The following SAR1A variants were observed in gnomAD, a reference collection of about 807,000 sequenced individuals.
SAR1A encodes the protein secretion associated Ras related GTPase 1A.
A neutral mutation model predicts 22.6 loss-of-function variants in SAR1A; 6 were observed. The ratio of observed to expected loss-of-function variants is 0.27; its 90% CI spans 0.15 to 0.52. The LOEUF (loss-of-function observed/expected upper bound fraction) is 0.52. SAR1A is among the 20% of genes least tolerant of loss of function. SAR1A has a pLI of 0.96. For synonymous variants in SAR1A, 70 were observed against 82.2 expected (o/e 0.85, Z 0.80); for missense variants, 145 against 245.1 (o/e 0.59, Z 2.73).
At position 70,152,060 on chromosome 10, in the gene SAR1A, G is replaced by A; in HGVS notation, c.*416C>T. 5.0e-6 allele frequency: 1 copy of A among 198,878 alleles called. No individual in the cohort carries two copies. Among genetic ancestry groups the A allele is most frequent in the Non-Finnish European group, 1.1e-5 (1 of 94,256 alleles). The allele number at this position is 198,878 out of a possible 1,614,324, so 12.3% of individuals were successfully genotyped here. Reference sequence around the variant, plus strand: ...ATTAGTTTAAAAAAAAAAAAGAATAGAAAACTCTGGACCAAGTAAATTGTG... The same window carrying A: ...ATTAGTTTAAAAAAAAAAAAGAATAAAAAACTCTGGACCAAGTAAATTGTG... On this transcript the variant is annotated 3_prime_UTR_variant, in exon 7 of 7. Transcript: ENST00000373241.
chr10:70,154,435 G>A (rs1839361957), intron 5 of SAR1A, among the ~76,000 whole-genome samples: 1 of 152,014 alleles, frequency 6.6e-6, no homozygotes, highest in Non-Finnish European at 1.5e-5. Context: ...ACTATCTCAG[G>A]CACTGAGGAT....
chr10:70,159,793 C>A (rs1839444174), intron 4 of SAR1A, among the ~76,000 whole-genome samples: 1 of 152,176 alleles, frequency 6.6e-6, no homozygotes, highest in Non-Finnish European at 1.5e-5. Flanking sequence ...ATGTTTTACT[C>A]CTATACCTAC....
At chr10:70,166,551 T>C (rs185801773) in intron 1 of SAR1A, among the ~76,000 whole-genome samples, 25 of 152,320 alleles carry the variant, frequency 1.6e-4, no homozygotes, top group African/African-American at 5.8e-4. Flanking sequence ...TATTTAATCA[T>C]TTTTGCAGAC....
rs778910201 is a variant in SAR1A at position 70,161,626 on chromosome 10, T to C, written c.171A>G (p.Leu57=). 10 of 1,612,278 alleles carry C rather than the reference T, an allele frequency of 6.2e-6. No individual in the cohort carries two copies. Among genetic ancestry groups the C allele is most frequent in the Non-Finnish European group, 8.5e-6 (10 of 1,179,996 alleles). Residue 57 remains leucine, a synonymous_variant, in exon 3 of 7, where the codon CTA becomes CTG. Transcript: ENST00000373241. ...DDRLGQHVPT[L]HPTSEELTIA... ...TGATATTTTCAAACCTACTCGGATGTAGTGTTGGAACATGTTGGCCCAATC... is the reference window on the plus strand; with the variant it reads ...TGATATTTTCAAACCTACTCGGATGCAGTGTTGGAACATGTTGGCCCAATC...
In SAR1A at chr10:70,157,882, T is replaced by C. The variant is rs1490428617; in HGVS notation, c.245-15A>G. On this transcript the variant is annotated splice_polypyrimidine_tract_variant and intron_variant, in intron 4 of 6. Transcript: ENST00000373241. ...AACGCGACGTGCTAAAAAACAAAGT[T>C]TGTAGTTGCATGAGTAAAAAATATA... is the stretch of plus-strand genomic sequence containing the variant. The C allele has an allele frequency of 6.4e-7, 1 of 1,555,166 alleles. No homozygotes were observed. The highest frequency in any genetic ancestry group is 8.9e-7 in the Non-Finnish European group (1 of 1,128,788).
chr10:70,153,231 G>A (rs1285777466), intron 6 of SAR1A, among the ~76,000 whole-genome samples: 1 of 152,192 alleles, frequency 6.6e-6, no homozygotes, highest in African/African-American at 2.4e-5. Flanking sequence ...ATCTGATCTA[G>A]ATTTTCTCTC....
chr10:70,169,817 T>C (rs1215695431), intron 1 of SAR1A, among the ~76,000 whole-genome samples: 1 of 152,082 alleles, frequency 6.6e-6, no homozygotes, highest in Non-Finnish European at 1.5e-5. Context: ...AAAACGCTAA[T>C]CCATGTCAAA....
Position 70,165,036 on chromosome 10 carries a change from C to T in SAR1A, c.-16-3105G>A, listed in dbSNP as rs532246637. On this transcript the variant is annotated intron_variant, in intron 1 of 6. Coordinates refer to ENST00000373241, the MANE Select transcript of SAR1A (RefSeq NM_020150.5). ...ATATATTTCCTTTGGGAGGCCGAGG[C>T]GGGCGGATCACGAGGTCAGGAGATC... Among the ~76,000 whole-genome samples, 12 of 152,130 alleles carry T rather than the reference C, an allele frequency of 7.9e-5. No individual in the cohort carries two copies. The South Asian group carries it at 1.5e-3, about 18-fold the overall frequency.
chr10:70,154,332 A>T (rs541125005), intron 5 of SAR1A, among the ~76,000 whole-genome samples: 1 of 152,222 alleles, frequency 6.6e-6, no homozygotes, highest in Non-Finnish European at 1.5e-5. Flanking sequence ...CAGAGCCTCA[A>T]AGATGACTAC....
At position 70,152,633 on chromosome 10, in the gene SAR1A, G is replaced by C. The variant is rs1427025540; in HGVS notation, c.481-41C>G. On this transcript the variant is annotated intron_variant, in intron 6 of 6. Transcript: ENST00000373241. ...CCAAGAAAGGCCTGTTAGCATCTCT[G>C]TGGTGGAAAAGATTGAAAGGACGAT... 6 of 1,290,966 alleles carry C rather than the reference G, an allele frequency of 4.6e-6. No individual in the cohort carries two copies. The Admixed American group carries it at 8.4e-5, about 18-fold the overall frequency. 80.0% of individuals were successfully genotyped at this position (1,290,966 alleles called of 1,614,324 possible).
In SAR1A at chr10:70,147,440, C is replaced by A. The variant is rs1443959476; in HGVS notation, c.*5036G>T. 1 of 152,146 alleles carries A rather than the reference C, an allele frequency of 6.6e-6. No individual in the cohort carries two copies. The highest frequency in any genetic ancestry group is 1.5e-5 in the Non-Finnish European group (1 of 68,038). The allele number at this position is 152,146 out of a possible 1,614,324, so 9.4% of individuals were successfully genotyped here. ...ACAGTTCCAGTTTGGGGGGACCATA[C>A]AACTTGTCTCAAATAGTCAACTCTG... On this transcript the variant is annotated 3_prime_UTR_variant, in exon 7 of 7. Coordinates refer to ENST00000373241, the MANE Select transcript of SAR1A (RefSeq NM_020150.5).
At chr10:70,166,757 T>C (rs2136723475) in intron 1 of SAR1A, 1 of 142,352 alleles carries the variant, frequency 7.0e-6, no homozygotes, top group East Asian at 2.0e-4. Context: ...AAGGCTGAGG[T>C]GGGGGATTCC....
intron 4 of SAR1A, among the ~76,000 whole-genome samples, chr10:70,158,338 T>C (rs987367589): frequency 6.6e-6 from 1 of 152,218 alleles, no homozygotes; most frequent in African/African-American, 2.4e-5. Context: ...CATGTAACTT[T>C]AGTCCCAGTT....
In SAR1A at chr10:70,151,626, T is replaced by C. The variant is rs1336606323; in HGVS notation, c.*850A>G. ...CTCTTTTATGAGGTCAAAGTCACTT[T>C]TGATAACTGAAAACGAAAAAGGAAG... On this transcript the variant is annotated 3_prime_UTR_variant, in exon 7 of 7. Transcript: ENST00000373241. 8 of 152,772 alleles carry C rather than the reference T, an allele frequency of 5.2e-5. No homozygotes were observed. Among genetic ancestry groups the C allele is most frequent in the Middle Eastern group, 3.4e-3 (1 of 294 alleles). 9.5% of individuals were successfully genotyped at this position (152,772 alleles called of 1,614,324 possible).
At chr10:70,162,448 G>GAA (rs1263639442) in intron 1 of SAR1A, among the ~76,000 whole-genome samples, 1 of 123,332 alleles carries the variant, frequency 8.1e-6, no homozygotes, top group African/African-American at 3.0e-5. Context: ...GAAAAGAAAA[G>GAA]AAAAGAGAGG....
In SAR1A at chr10:70,153,959, G is replaced by C; in HGVS notation, c.359C>G (p.Thr120Ser). Residue 120 changes from threonine to serine, a missense_variant, in exon 6 of 7, where the codon ACT becomes AGT. Around this residue, in one of 3 missense-constraint regions of SAR1A, gnomAD observed 83 missense variants for 114.7 expected, o/e 0.72. Coordinates refer to ENST00000373241, the MANE Select transcript of SAR1A (RefSeq NM_020150.5). Reference sequence around the variant, plus strand: ...TGGCACATTGGATATTGTTTCATCAGTCATTAAAGCCTAAAGATTGAAAAA... The same window carrying C: ...TGGCACATTGGATATTGTTTCATCACTCATTAAAGCCTAAAGATTGAAAAA... ...ESKVELNALMTDETISNVPIL... is the reference protein window; with the variant it reads ...ESKVELNALMSDETISNVPIL... 1.3e-6 allele frequency: 2 copies of C among 1,575,548 alleles called. No individual in the cohort carries two copies. The highest frequency in any genetic ancestry group is 2.4e-5 in the South Asian group (2 of 83,942).
chr10:70,153,744 G>T, intron 6 of SAR1A, 94 bp downstream of exon 6: 1 of 1,031,358 alleles, frequency 9.7e-7, no homozygotes, highest in Non-Finnish European at 1.4e-6. Flanking sequence ...GCCTGTTTAA[G>T]CCTTTAAAAG....
In SAR1A at chr10:70,148,200, A is replaced by T. The variant is rs1839285578; in HGVS notation, c.*4276T>A. ...GCCATCATTAATTTTTATTAAGGTTACTGTATTGCTTACCATATACAATTG... is the reference window on the plus strand; with the variant it reads ...GCCATCATTAATTTTTATTAAGGTTTCTGTATTGCTTACCATATACAATTG... On this transcript the variant is annotated 3_prime_UTR_variant, in exon 7 of 7. Transcript: ENST00000373241. 1 of 152,216 alleles carries T rather than the reference A, an allele frequency of 6.6e-6. No individual in the cohort carries two copies. The allele number at this position is 152,216 out of a possible 1,614,324, so 9.4% of individuals were successfully genotyped here. A position where few individuals can be genotyped will look rare whatever the true frequency, so the allele number is the denominator to read the frequency against.
intron 5 of SAR1A, among the ~76,000 whole-genome samples, 157 bp from the exon 6 acceptor site, chr10:70,154,126 T>A (rs777559842): frequency 9.9e-5 from 15 of 152,228 alleles, no homozygotes; most frequent in Non-Finnish European, 2.1e-4. Context: ...GATTAAAGAT[T>A]CACCTTGACA....
Sources: allele counts gnomAD v4.1 joint callset (sites outside exome capture counted in the v4.1 genomes callset), GRCh38; gene constraint gnomAD v4.1.1; regional missense constraint gnomAD v4.1.1; transcripts MANE v1.5; gene names NCBI Gene and HGNC (gene_info 2026-07-23, HGNC 2026-07-21).